ASB14: variants seen among roughly 807,000 people sequenced by gnomAD.
ASB14 encodes the protein ankyrin repeat and SOCS box containing 14.
A neutral mutation model predicts 55.6 loss-of-function variants in ASB14; 63 were observed. The ratio of observed to expected loss-of-function variants is 1.13; its 90% CI spans 0.92 to 1.40. The LOEUF (loss-of-function observed/expected upper bound fraction) is 1.40, where lower values mean the gene tolerates loss of function less well. Ranked by LOEUF, ASB14 falls within the 40% of genes most tolerant of loss-of-function variation. The pLI is 0.00. For synonymous variants in ASB14, 256 were observed against 259.9 expected (o/e 0.98, Z 0.15); for missense variants, 724 against 710.4 (o/e 1.02, Z -0.22).
At position 57,291,924 on chromosome 3, in the gene ASB14, G is replaced by C; in HGVS notation, c.110C>G (p.Pro37Arg). 2.6e-6 allele frequency: 4 copies of C among 1,535,156 alleles called. No homozygotes were observed. The East Asian group carries it at 9.8e-5, about 38-fold the overall frequency. The change falls in exon 2 of 11, where the codon CCT (proline) becomes CGT (arginine). Residue 37 changes from proline (P) to arginine (R), a missense_variant. By Grantham distance (103) the Pro-to-Arg change is moderately radical (BLOSUM62 -2). Coordinates refer to ENST00000487349, the MANE Select transcript of ASB14 (RefSeq NM_001142733.3). ...AGAAAACCATTACCTCTCATCCTTA[G>C]GTGCATGTTGTGCTGTTCCTGGCTT... ...IYKPGTAQHA[P>R]KDESLHSFLS... is the part of the protein sequence containing the mutation.
At chr3:57,276,895 G>C (rs1393461153) in intron 9 of ASB14, among the ~76,000 whole-genome samples, 167 bp from the exon 10 acceptor site, 1 of 152,136 alleles carries the variant, frequency 6.6e-6, no homozygotes, top group East Asian at 1.9e-4. Context: ...TTGTAGATAT[G>C]GTTCCAGAGC....
intron 10 of ASB14, 99 bp downstream of exon 10, chr3:57,276,429 A>C: frequency 1.2e-6 from 1 of 847,146 alleles, no homozygotes; most frequent in Non-Finnish European, 1.8e-6. Context: ...CTACTTTTTA[A>C]AGGACTTAGA....
intron 5 of ASB14, among the ~76,000 whole-genome samples, chr3:57,285,230 C>T (rs1215238701): frequency 6.6e-6 from 1 of 152,024 alleles, no homozygotes; most frequent in Non-Finnish European, 1.5e-5. Context: ...TGTGAACTAC[C>T]GTGCACAGCC....
chr3:57,290,797 G>A (rs1305181941), intron 2 of ASB14, among the ~76,000 whole-genome samples: 2 of 152,118 alleles, frequency 1.3e-5, no homozygotes, highest in Non-Finnish European at 2.9e-5. Context: ...TGCAATTTAA[G>A]GTTTTAATCA....
intron 6 of ASB14, among the ~76,000 whole-genome samples, chr3:57,281,093 A>T (rs991432572): frequency 5.9e-5 from 9 of 152,200 alleles, no homozygotes; most frequent in Non-Finnish European, 1.2e-4. Context: ...CTACACTTAC[A>T]AGTTGCATTA....
chr3:57,287,228 G>A lies in ASB14; in HGVS notation c.469+673C>T, dbSNP rs376826483. On this transcript the variant is annotated intron_variant, in intron 5 of 10. Transcript: ENST00000487349. ...ATTTTAAGCAGAGAGTGGGGCTTGT[G>A]GACTGTAGGTTTAACAACAGGTTGA... is the stretch of plus-strand genomic sequence containing the variant. 6.6e-5 allele frequency among the ~76,000 whole-genome samples: 10 copies of A among 152,262 alleles called. No homozygotes were observed. The East Asian group carries it at 1.9e-3, about 29-fold the overall frequency.
chr3:57,283,157 C>T lies in ASB14; in HGVS notation c.715+37G>A, dbSNP rs939493121. On this transcript the variant is annotated intron_variant, in intron 6 of 10. Transcript: ENST00000487349. ...AGAGGAGAACCCCTGGATCATGTTACCCTTTGTTAGTGTGCTGACCAAACA... is the reference window on the plus strand; with the variant it reads ...AGAGGAGAACCCCTGGATCATGTTATCCTTTGTTAGTGTGCTGACCAAACA... 12 of 1,549,288 alleles carry T rather than the reference C, an allele frequency of 7.7e-6. No individual in the cohort carries two copies. The African/African-American group carries it at 1.6e-4, about 21-fold the overall frequency.
In ASB14 at chr3:57,280,405, G is replaced by C; in HGVS notation, c.784C>G (p.Pro262Ala). Residue 262 changes from proline to alanine, a missense_variant, in exon 7 of 11, where the codon CCA (proline) becomes GCA (alanine). Transcript: ENST00000487349. ...TCCAGCAAGAGAGCCACAGCATCTG[G>C]ATTTCCTCCACTTGCGGCTTCAAGT... ...ILLEAASGGN[P>A]DAVALLLEYG... 1 of 1,551,486 alleles carries C rather than the reference G, an allele frequency of 6.4e-7. No homozygotes were observed. Among genetic ancestry groups the C allele is most frequent in the South Asian group, 1.2e-5 (1 of 84,062 alleles).
chr3:57,278,455 A>G lies in ASB14; in HGVS notation c.1353T>C (p.Phe451=). 6.2e-7 allele frequency: 1 copy of G among 1,614,194 alleles called. No individual in the cohort carries two copies. Among genetic ancestry groups the G allele is most frequent in the Non-Finnish European group, 8.5e-7 (1 of 1,180,014 alleles). The change falls in exon 8 of 11, where the codon TTT becomes TTC. Residue 451 remains phenylalanine (F), a synonymous_variant. Coordinates refer to ENST00000487349, the MANE Select transcript of ASB14 (RefSeq NM_001142733.3). ...LNYGYDTERC[F]DCPHGDKVHP... ...GGACTTTGTCTCCATGTGGGCAATC[A>G]AAACATCGCTCTGTGTCATACCCAT...
intron 9 of ASB14, 22 bp downstream of exon 9, chr3:57,277,745 A>T (rs760910400): frequency 6.3e-7 from 1 of 1,580,942 alleles, no homozygotes; most frequent in South Asian, 1.2e-5. Context: ...GTAAAAAGTC[A>T]TTCTATGAGA....
chr3:57,281,989 G>A (rs1378246215), intron 6 of ASB14, among the ~76,000 whole-genome samples: 2 of 152,164 alleles, frequency 1.3e-5, no homozygotes, highest in Non-Finnish European at 2.9e-5. Flanking sequence ...TTTCTTTGCA[G>A]GGTAAAGGAT....
At chr3:57,283,637 C>T (rs769831730) in intron 5 of ASB14, among the ~76,000 whole-genome samples, 198 bp from the exon 6 acceptor site, 2 of 152,128 alleles carry the variant, frequency 1.3e-5, no homozygotes, top group Non-Finnish European at 2.9e-5. Flanking sequence ...CATCAATGGA[C>T]TATGTTTTTC....
chr3:57,285,993 T>G (rs1368560751), intron 5 of ASB14, among the ~76,000 whole-genome samples: 1 of 152,222 alleles, frequency 6.6e-6, no homozygotes, highest in Middle Eastern at 3.2e-3. Context: ...CAAGAAAGTT[T>G]TTGAGATTTC....
chr3:57,280,610 C>T (rs1359112440), intron 6 of ASB14, 137 bp from the exon 7 acceptor site: 9 of 656,550 alleles, frequency 1.4e-5, no homozygotes, highest in Non-Finnish European at 1.9e-5. Flanking sequence ...ATCAAAGTAA[C>T]AGAATATATA....
Position 57,289,088 on chromosome 3 carries a change from A to C in ASB14, c.158T>G (p.Ile53Arg). 6.5e-7 allele frequency: 1 copy of C among 1,529,494 alleles called. No individual in the cohort carries two copies. 94.7% of individuals were successfully genotyped at this position (1,529,494 alleles called of 1,614,324 possible). Residue 53 changes from isoleucine to arginine, a missense_variant, in exon 3 of 11, where the codon ATA becomes AGA. Transcript: ENST00000487349. ...CTTAACTTTCTCTATTGTTTCAACT[A>C]TCTTCTTATAGTCAGCGCTCAAAAA... is the stretch of plus-strand genomic sequence containing the variant. Reference protein sequence around the residue: ...HSFLSADYKKIVETIEKGKED... With the variant: ...HSFLSADYKKRVETIEKGKED...
intron 6 of ASB14, 72 bp from the exon 7 acceptor site, chr3:57,280,545 T>A: frequency 7.3e-7 from 1 of 1,378,548 alleles, no homozygotes; most frequent in South Asian, 1.4e-5. Flanking sequence ...CTTAAAAATA[T>A]ATCCCCATCA....
At position 57,288,279 on chromosome 3, in the gene ASB14, T is replaced by A; in HGVS notation, c.186A>T (p.Glu62Asp). The A allele has an allele frequency of 6.5e-7, 1 of 1,537,210 alleles. No homozygotes were observed. The highest frequency in any genetic ancestry group is 8.7e-7 in the Non-Finnish European group (1 of 1,146,754). The change falls in exon 4 of 11, where the codon GAA becomes GAT. Residue 62 changes from glutamate to aspartate, a missense_variant. By Grantham distance (45) the Glu-to-Asp change is conservative. Coordinates refer to ENST00000487349, the MANE Select transcript of ASB14 (RefSeq NM_001142733.3). ...ACTTGGTTAAGTGTGACAATGCATC[T>A]TCCTTACCTATTAACGAGTCAAATG... ...KIVETIEKGK[E>D]DALSHLTKYH...
At chr3:57,280,892 A>C (rs1462089014) in intron 6 of ASB14, among the ~76,000 whole-genome samples, 1 of 152,132 alleles carries the variant, frequency 6.6e-6, no homozygotes, top group Non-Finnish European at 1.5e-5. Flanking sequence ...GGAAAAGGGC[A>C]TTTGTTCTGT....
At chr3:57,284,088 C>CTGTATGTGTGTGTGTGTGTGTG (rs1553640078) in intron 5 of ASB14, among the ~76,000 whole-genome samples, 1 of 41,368 alleles carries the variant, frequency 2.4e-5, no homozygotes, top group East Asian at 2.1e-3. Context: ...CTTGGGAACA[C>CTGTATGTGTGTGTGTGTGTGTG]TGTGTATGTG....
Sources: gnomAD v4.1 joint callset for allele counts (sites outside exome capture counted in the v4.1 genomes callset) on GRCh38, gnomAD v4.1.1 for gene constraint, MANE v1.5 for transcripts, NCBI Gene and HGNC (gene_info 2026-07-23, HGNC 2026-07-21) for gene names.